RYR2: variants seen among roughly 807,000 people sequenced by gnomAD.
The protein encoded by RYR2 is ryanodine receptor 2.
In RYR2, 227 loss-of-function variants were observed where a neutral mutation model predicts 601.1. The ratio of observed to expected loss-of-function variants is 0.38; its 90% confidence interval spans 0.34 to 0.42. The LOEUF (loss-of-function observed/expected upper bound fraction) is 0.42, where lower values mean the gene tolerates loss of function less well. Ranked by LOEUF, RYR2 falls within the 10% of genes least tolerant of loss-of-function variation. The probability of loss-of-function intolerance (pLI) is 1.00; values close to 1 mark genes in which losing one functional copy is unlikely to be tolerated. For missense variants in RYR2, 4,646 were observed against 6,156.5 expected, an observed-to-expected ratio of 0.75 and a Z score of 8.21; for synonymous variants, 2,223 against 2,175.1, an observed-to-expected ratio of 1.02 and a Z score of -0.61.
At chr1:237,536,868 A>G (rs1009125259) in intron 25 of RYR2, among the ~76,000 whole-genome samples, 1 of 151,290 alleles carries the variant, frequency 6.6e-6, no homozygotes, top group Non-Finnish European at 1.5e-5. Flanking sequence ...CCTGGGCGAC[A>G]GAGCGAGACT....
intron 5 of RYR2, among the ~76,000 whole-genome samples, chr1:237,368,200 A>C (rs567112047): frequency 6.6e-6 from 1 of 152,330 alleles, no homozygotes; most frequent in East Asian, 1.9e-4. Flanking sequence ...CATGTACATA[A>C]AATATGTAAA....
At chr1:237,310,023 C>T (rs763347314) in intron 2 of RYR2, among the ~76,000 whole-genome samples, 44 of 152,158 alleles carry the variant, frequency 2.9e-4, no homozygotes, top group Non-Finnish European at 5.4e-4. Context: ...GCAGAGGGAG[C>T]CAGCTCCAGC....
intron 27 of RYR2, among the ~76,000 whole-genome samples, chr1:237,563,828 A>G (rs755085249): frequency 1.3e-5 from 2 of 152,148 alleles, no homozygotes; most frequent in Non-Finnish European, 2.9e-5. Flanking sequence ...TGCACTATAC[A>G]TATTTGTGAA....
At chr1:237,140,457 C>T (rs1239552464) in intron 1 of RYR2, among the ~76,000 whole-genome samples, 2 of 152,198 alleles carry the variant, frequency 1.3e-5, no homozygotes, top group Non-Finnish European at 2.9e-5. Context: ...TTCTCTCTTG[C>T]AGAACACACA....
chr1:237,594,308 TC>T (rs1675557570), intron 33 of RYR2, among the ~76,000 whole-genome samples: 1 of 152,186 alleles, frequency 6.6e-6, no homozygotes, highest in African/African-American at 2.4e-5. Context: ...CTGTGACAGG[TC>T]TCCGAAAGAG....
chr1:237,128,741 A>C (rs758266632), intron 1 of RYR2, among the ~76,000 whole-genome samples: 1 of 152,226 alleles, frequency 6.6e-6, no homozygotes, highest in Non-Finnish European at 1.5e-5. Flanking sequence ...ATACAATCAC[A>C]GAGAACTGCT....
chr1:237,636,101 C>A (rs2139981), intron 44 of RYR2, among the ~76,000 whole-genome samples: 90,492 of 151,708 alleles, frequency 0.6, 27,635 homozygotes, highest in Non-Finnish European at 0.65. Flanking sequence ...TTTGTATATT[C>A]TGTACACAAA....
At chr1:237,541,142 C>A (rs941924233) in intron 25 of RYR2, among the ~76,000 whole-genome samples, 5 of 152,008 alleles carry the variant, frequency 3.3e-5, no homozygotes, top group Non-Finnish European at 5.9e-5. Context: ...AAAGAAAAAC[C>A]CTTAGATACT....
At chr1:237,550,493 C>G in intron 26 of RYR2, 51 bp from the exon 27 acceptor site, 1 of 1,576,892 alleles carries the variant, frequency 6.3e-7, no homozygotes, top group Non-Finnish European at 8.6e-7. Flanking sequence ...CTACTTATTT[C>G]TAAAAGCCCT....
intron 1 of RYR2, among the ~76,000 whole-genome samples, chr1:237,246,062 G>A (rs1337204833): frequency 6.6e-6 from 1 of 151,882 alleles, no homozygotes; most frequent in Admixed American, 6.6e-5. Context: ...TTACAGGCGT[G>A]AGCCACCACA....
intron 1 of RYR2, among the ~76,000 whole-genome samples, chr1:237,157,856 T>C (rs1166931498): frequency 4.6e-5 from 7 of 152,184 alleles, no homozygotes; most frequent in African/African-American, 1.7e-4. Flanking sequence ...TAATTTATTA[T>C]ATATTTCATA....
At chr1:237,807,414 G>A (rs1350179596) in intron 99 of RYR2, among the ~76,000 whole-genome samples, 1 of 152,240 alleles carries the variant, frequency 6.6e-6, no homozygotes, top group East Asian at 1.9e-4. Flanking sequence ...GCGGCGGCGC[G>A]ATCTCGGCTC....
intron 1 of RYR2, among the ~76,000 whole-genome samples, chr1:237,230,712 A>G (rs1684896804): frequency 6.6e-6 from 1 of 152,154 alleles, no homozygotes; most frequent in African/African-American, 2.4e-5. Context: ...TGAGGTCAGG[A>G]GTTCAAGACC....
At position 237,800,417 on chromosome 1, in the gene RYR2, A is replaced by AG. The variant is rs531250748; in HGVS notation, c.14091-1437dup. 2.3e-3 allele frequency among the ~76,000 whole-genome samples: 354 copies of AG among 152,214 alleles called. 1 individual carries two copies. Among genetic ancestry groups the AG allele is most frequent in the East Asian group, 2.3e-3 (12 of 5,182 alleles). ...TATAGTTCAAAGATAACTTTATTTA[A>AG]GGAAAAAAAAATTGTTTTTAATCCT... On this transcript the variant is annotated intron_variant, in intron 97 of 104. Transcript: ENST00000366574.
At chr1:237,755,828 C>T (rs1045897253) in intron 80 of RYR2, among the ~76,000 whole-genome samples, 2 of 152,292 alleles carry the variant, frequency 1.3e-5, no homozygotes, top group East Asian at 3.9e-4. Flanking sequence ...ACTTAAACTT[C>T]AAGACATCTC....
intron 23 of RYR2, among the ~76,000 whole-genome samples, chr1:237,509,665 T>C (rs990574665): frequency 2.0e-5 from 3 of 152,228 alleles, no homozygotes; most frequent in Non-Finnish European, 4.4e-5. Flanking sequence ...ACTTTTAAGG[T>C]ATTATGTTTG....
chr1:237,501,895 C>T (rs999303415), intron 21 of RYR2, among the ~76,000 whole-genome samples: 11 of 152,276 alleles, frequency 7.2e-5, no homozygotes, highest in Non-Finnish European at 1.0e-4. Flanking sequence ...AATCCCAGCA[C>T]TTTGGGAGGC....
intron 23 of RYR2, among the ~76,000 whole-genome samples, chr1:237,508,896 C>A: frequency 6.6e-6 from 1 of 151,156 alleles, no homozygotes; most frequent in South Asian, 2.1e-4. Flanking sequence ...GCGCCCGCTA[C>A]CACGCCCGGC....
At chr1:237,043,495 C>T (rs1660187021) in intron 1 of RYR2, among the ~76,000 whole-genome samples, 1 of 152,188 alleles carries the variant, frequency 6.6e-6, no homozygotes, top group Non-Finnish European at 1.5e-5. Context: ...TCCTTTCTCT[C>T]ATTTGTTCGA....
Sources: allele counts gnomAD v4.1 joint callset (sites outside exome capture counted in the v4.1 genomes callset), GRCh38; gene constraint gnomAD v4.1.1; transcripts MANE v1.5; gene names NCBI Gene and HGNC (gene_info 2026-07-23, HGNC 2026-07-21).